The following SLC38A8 variants were observed in gnomAD, a reference collection of about 807,000 sequenced individuals.
The protein encoded by SLC38A8 is amino acid transporter SLC38A8.
Under a neutral mutation model 46.0 loss-of-function variants are expected in SLC38A8, and 65 were observed. The ratio of observed to expected loss-of-function variants is 1.41; its 90% CI spans 1.16 to 1.74. The LOEUF (loss-of-function observed/expected upper bound fraction) is 1.74. Among genes scored for constraint, SLC38A8 ranks in the 40% most tolerant of loss-of-function variants. The pLI, the probability that SLC38A8 is intolerant of heterozygous loss-of-function variation, is 0.00. For missense variants in SLC38A8, 998 were observed against 567.9 expected (o/e 1.76, Z -7.70); for synonymous variants, 447 against 243.7 (o/e 1.83, Z -7.77).
chr16:84,024,862 G>T (rs1330995296), intron 6 of SLC38A8, among the ~76,000 whole-genome samples: 4 of 152,060 alleles, frequency 2.6e-5, no homozygotes, highest in South Asian at 2.1e-4. Flanking sequence ...TATATTTTTG[G>T]TAGAGACAGG....
intron 7 of SLC38A8, 25 bp downstream of exon 7, chr16:84,022,750 C>T (rs1303897855): frequency 6.3e-7 from 1 of 1,590,144 alleles, no homozygotes; most frequent in South Asian, 1.1e-5. Context: ...CCACCCTCTG[C>T]AGGGGTGCCT....
At chr16:84,032,233 G>A (rs1200105906) in intron 4 of SLC38A8, among the ~76,000 whole-genome samples, 4 of 152,158 alleles carry the variant, frequency 2.6e-5, no homozygotes, top group African/African-American at 9.7e-5. Flanking sequence ...CTGTTGCCCA[G>A]GCTGGAGTGC....
rs149436446 is a variant in SLC38A8 at position 84,036,701 on chromosome 16, C to A, written c.388+1G>T. ...ACCCCGAGTCCCATGAAGGTACTTA[C>A]GCTTCTCCAGCTGGTCCCCGATCAC... On this transcript the variant is annotated splice_donor_variant, in intron 3 of 10. Transcript: ENST00000299709. LOFTEE classifies it high-confidence loss of function. The A allele has an allele frequency of 1.3e-5, 21 of 1,614,100 alleles. No individual in the cohort carries two copies. Among genetic ancestry groups the A allele is most frequent in the Non-Finnish European group, 1.8e-5 (21 of 1,180,016 alleles).
intron 5 of SLC38A8, among the ~76,000 whole-genome samples, chr16:84,029,887 C>T (rs1453295672): frequency 6.6e-6 from 1 of 152,190 alleles, no homozygotes; most frequent in Non-Finnish European, 1.5e-5. Flanking sequence ...GGGGCGGGGG[C>T]ACCCAGAGCA....
At chr16:84,030,007 C>G (rs905561460) in intron 5 of SLC38A8, among the ~76,000 whole-genome samples, 4 of 152,130 alleles carry the variant, frequency 2.6e-5, no homozygotes, top group African/African-American at 9.7e-5. Context: ...TCTTGGGATC[C>G]CCGCCTGGTT....
chr16:84,023,581 G>C (rs933964264), intron 6 of SLC38A8, among the ~76,000 whole-genome samples: 4 of 152,082 alleles, frequency 2.6e-5, no homozygotes, highest in African/African-American at 9.7e-5. Context: ...ATCTCAGTCA[G>C]AACAATGAAC....
chr16:84,033,160 A>AT (rs2085264407), intron 4 of SLC38A8, among the ~76,000 whole-genome samples, 168 bp downstream of exon 4: 1 of 152,142 alleles, frequency 6.6e-6, no homozygotes, highest in Non-Finnish European at 1.5e-5. Context: ...AGGCTCATCT[A>AT]TGTTTTGCAT....
chr16:84,037,806 A>AT (rs376247461), intron 2 of SLC38A8, among the ~76,000 whole-genome samples: 1,595 of 102,208 alleles, frequency 0.016, 63 homozygotes, highest in East Asian at 0.038. Context: ...TTCAGCTTCA[A>AT]TTTTTTTTTT....
chr16:84,031,955 G>A lies in SLC38A8; in HGVS notation c.544C>T (p.Leu182=), dbSNP rs146048236. ...FQKYTSILGT[L]AACYLALVIT... Reference sequence around the variant, plus strand: ...ACCAGGGCCAGGTAACAGGCAGCCAGAGTGCCTAGGATGCTAACACAGTGA... The same window carrying A: ...ACCAGGGCCAGGTAACAGGCAGCCAAAGTGCCTAGGATGCTAACACAGTGA... The change falls in exon 5 of 11, where the codon CTG becomes TTG. Residue 182 remains leucine, a synonymous_variant. Coordinates refer to ENST00000299709, the MANE Select transcript of SLC38A8 (RefSeq NM_001080442.3). The A allele has an allele frequency of 1.2e-6, 2 of 1,614,092 alleles. No individual in the cohort carries two copies. The highest frequency in any genetic ancestry group is 1.3e-5 in the African/African-American group (1 of 74,960).
intron 6 of SLC38A8, among the ~76,000 whole-genome samples, chr16:84,025,794 C>T (rs2085157054): frequency 6.6e-6 from 1 of 152,248 alleles, no homozygotes; most frequent in African/African-American, 2.4e-5. Context: ...CTCCCTCCGG[C>T]TTCCAGCCCT....
Position 84,033,420 on chromosome 16 carries a change from G to A in SLC38A8, c.438C>T (p.Tyr146=), listed in dbSNP as rs199795586. 3.8e-5 allele frequency: 62 copies of A among 1,613,026 alleles called. No homozygotes were observed. In the East Asian group the frequency reaches 4.7e-4, roughly 12 times the overall value. ...GGGGCAGGGTGAAGCGCTGGTCTGC[G>A]TACCACGGCTGCGGGGCGGGCGGGG... is the stretch of plus-strand genomic sequence containing the variant. ...SGTPPAPQPW[Y]ADQRFTLPLL... is the part of the protein sequence containing the mutation. The change falls in exon 4 of 11, where the codon TAC becomes TAT. Residue 146 remains tyrosine (Y), a synonymous_variant. Transcript: ENST00000299709.
At position 84,033,392 on chromosome 16, in the gene SLC38A8, G is replaced by C; in HGVS notation, c.466C>G (p.Leu156Val). 1 of 1,614,028 alleles carries C rather than the reference G, an allele frequency of 6.2e-7. No homozygotes were observed. Among genetic ancestry groups the C allele is most frequent in the Non-Finnish European group, 8.5e-7 (1 of 1,179,984 alleles). Residue 156 changes from leucine to valine, a missense_variant, in exon 4 of 11, where the codon CTC becomes GTC. Coordinates refer to ENST00000299709, the MANE Select transcript of SLC38A8 (RefSeq NM_001080442.3). ...AGGGGCAGGATGACCAGCACGGAGA[G>C]CAGGGGCAGGGTGAAGCGCTGGTCT... is the stretch of plus-strand genomic sequence containing the variant. ...YADQRFTLPL[L>V]SVLVILPLSA...
intron 3 of SLC38A8, among the ~76,000 whole-genome samples, chr16:84,034,679 G>A (rs750301398): frequency 6.6e-6 from 1 of 152,202 alleles, no homozygotes; most frequent in East Asian, 1.9e-4. Flanking sequence ...ACGAAATGAT[G>A]AAGGGGAAAG....
In SLC38A8 at chr16:84,016,313, G is replaced by A. The variant is rs538635927; in HGVS notation, c.1162+206C>T. On this transcript the variant is annotated intron_variant, in intron 9 of 10. Coordinates refer to ENST00000299709, the MANE Select transcript of SLC38A8 (RefSeq NM_001080442.3). ...TGAACACAACCAAACCTCATCAGGA[G>A]CTAATGAGATGTTTAATGAGTGAGG... 2.0e-5 allele frequency among the ~76,000 whole-genome samples: 3 copies of A among 152,308 alleles called. No homozygotes were observed. The South Asian group carries it at 6.2e-4, about 32-fold the overall frequency.
At chr16:84,025,973 T>C (rs2151120486) in intron 6 of SLC38A8, among the ~76,000 whole-genome samples, 1 of 152,338 alleles carries the variant, frequency 6.6e-6, no homozygotes, top group African/African-American at 2.4e-5. Flanking sequence ...CACTCTCAGG[T>C]CAGCCCTGTG....
chr16:84,024,705 TG>T (rs2085141023), intron 6 of SLC38A8, among the ~76,000 whole-genome samples: 1 of 151,540 alleles, frequency 6.6e-6, no homozygotes, highest in Non-Finnish European at 1.5e-5. Flanking sequence ...CGCTCAAGCC[TG>T]GGAGGCAGAG....
intron 6 of SLC38A8, among the ~76,000 whole-genome samples, chr16:84,026,123 T>A (rs558772791): frequency 1.7e-4 from 26 of 152,360 alleles, no homozygotes; most frequent in African/African-American, 5.8e-4. Flanking sequence ...GGGGCACAGC[T>A]GAGTCCAATA....
intron 9 of SLC38A8, among the ~76,000 whole-genome samples, chr16:84,016,136 G>T (rs554582600): frequency 5.3e-5 from 8 of 151,754 alleles, no homozygotes; most frequent in Non-Finnish European, 8.8e-5. Flanking sequence ...GGGCGGGGGG[G>T]GACCCCCACT....
At chr16:84,033,553 G>C in intron 3 of SLC38A8, 84 bp from the exon 4 acceptor site, 2 of 1,457,096 alleles carry the variant, frequency 1.4e-6, no homozygotes, top group Non-Finnish European at 1.8e-6. Context: ...AACCCTGGCT[G>C]GGGTTGGACA....
Sources: allele counts gnomAD v4.1 joint callset (sites outside exome capture counted in the v4.1 genomes callset), GRCh38; gene constraint gnomAD v4.1.1; transcripts MANE v1.5; gene names NCBI Gene and HGNC (gene_info 2026-07-23, HGNC 2026-07-21).